Variants in ZNF385D observed in about 807,000 individuals in gnomAD.
The protein encoded by ZNF385D is zinc finger protein 385D, also known as zinc finger protein 659.
In ZNF385D, 15 loss-of-function variants were observed where a neutral mutation model predicts 35.8. That is an observed-to-expected ratio of 0.42 (90% confidence interval 0.28 to 0.64). The LOEUF is 0.64. Ranked by LOEUF, ZNF385D falls within the 30% of genes least tolerant of loss-of-function variation. The pLI, the probability that ZNF385D is intolerant of heterozygous loss-of-function variation, is 0.23. For synonymous variants in ZNF385D, 212 were observed against 186.8 expected (o/e 1.13, Z -1.10); for missense variants, 474 against 494.6 (o/e 0.96, Z 0.39).
At chr3:21,929,345 CTAT>C (rs1700892721) in intron 3 of ZNF385D, among the ~76,000 whole-genome samples, 1 of 151,936 alleles carries the variant, frequency 6.6e-6, no homozygotes, top group South Asian at 2.1e-4. Context: ...TATAAAAAAC[CTAT>C]TGCCAATATT....
At chr3:21,425,406 CAG>C in intron 6 of ZNF385D, 84 bp downstream of exon 6, 2 of 1,374,978 alleles carry the variant, frequency 1.5e-6, no homozygotes, top group Non-Finnish European at 1.9e-6. Flanking sequence ...GACAGAAAGA[CAG>C]AAATAAAAAG....
chr3:22,321,171 T>TG (rs1257569423), intron 2 of ZNF385D, among the ~76,000 whole-genome samples: 2 of 147,972 alleles, frequency 1.4e-5, no homozygotes, highest in Non-Finnish European at 3.0e-5. Flanking sequence ...CTTGTTTTTT[T>TG]TTTTTTTTTT....
chr3:21,943,379 CTGTCT>C (rs1334811259), intron 3 of ZNF385D, among the ~76,000 whole-genome samples: 5 of 151,016 alleles, frequency 3.3e-5, no homozygotes, highest in African/African-American at 4.9e-5. Flanking sequence ...TTGACTTATC[CTGTCT>C]TATCTCTTTT....
intron 2 of ZNF385D, among the ~76,000 whole-genome samples, chr3:22,248,795 A>G (rs1215439966): frequency 6.6e-6 from 1 of 152,112 alleles, no homozygotes; most frequent in East Asian, 1.9e-4. Context: ...CCTCCATTTA[A>G]TGCTGGAAAA....
chr3:21,840,799 C>T (rs1254781230), intron 3 of ZNF385D, among the ~76,000 whole-genome samples: 1 of 148,264 alleles, frequency 6.7e-6, no homozygotes, highest in African/African-American at 2.6e-5. Context: ...TAAATTACCC[C>T]CTTATGTCAA....
At chr3:21,956,362 C>A (rs1163370216) in intron 3 of ZNF385D, among the ~76,000 whole-genome samples, 1 of 151,608 alleles carries the variant, frequency 6.6e-6, no homozygotes, top group African/African-American at 2.4e-5. Context: ...AATTTTCACA[C>A]TTATTATATT....
chr3:22,153,659 T>C (rs538304361), intron 3 of ZNF385D, among the ~76,000 whole-genome samples: 6 of 152,032 alleles, frequency 3.9e-5, no homozygotes, highest in Non-Finnish European at 8.8e-5. Context: ...AGATGGCATT[T>C]CACCATGTTG....
At chr3:22,109,753 G>C (rs904600959) in intron 3 of ZNF385D, among the ~76,000 whole-genome samples, 4 of 152,054 alleles carry the variant, frequency 2.6e-5, no homozygotes, top group Admixed American at 6.6e-5. Context: ...AAAAGCAATG[G>C]CAAAGAAAGC....
chr3:22,312,163 T>G (rs1490748810), intron 2 of ZNF385D, among the ~76,000 whole-genome samples: 1 of 152,190 alleles, frequency 6.6e-6, no homozygotes, highest in Non-Finnish European at 1.5e-5. Flanking sequence ...CTCTTCCCTT[T>G]GTATTATGAT....
chr3:21,543,190 A>C (rs2062240041), intron 3 of ZNF385D, among the ~76,000 whole-genome samples: 2 of 152,114 alleles, frequency 1.3e-5, no homozygotes, highest in South Asian at 4.1e-4. Flanking sequence ...GCGCGCCTGT[A>C]ATCTCAGCTA....
At chr3:21,570,323 T>C (rs2063297233) in intron 2 of ZNF385D, among the ~76,000 whole-genome samples, 2 of 152,164 alleles carry the variant, frequency 1.3e-5, no homozygotes, top group South Asian at 4.1e-4. Context: ...TTCTGTTAAA[T>C]TGATTTGTAA....
intron 3 of ZNF385D, among the ~76,000 whole-genome samples, chr3:21,934,171 A>G (rs1262733151): frequency 6.6e-6 from 1 of 152,204 alleles, no homozygotes; most frequent in Admixed American, 6.5e-5. Context: ...TCTGAGAAGC[A>G]AATATTACCA....
chr3:21,841,494 A>T (rs2125787673), intron 3 of ZNF385D, among the ~76,000 whole-genome samples: 1 of 152,148 alleles, frequency 6.6e-6, no homozygotes, highest in South Asian at 2.1e-4. Context: ...TCTAGGTTAC[A>T]AGTCGTAAGT....
intron 3 of ZNF385D, among the ~76,000 whole-genome samples, chr3:21,785,873 C>T (rs1461809083): frequency 6.6e-6 from 1 of 152,140 alleles, no homozygotes; most frequent in Non-Finnish European, 1.5e-5. Flanking sequence ...TTGCTTTTCC[C>T]CACTGATTAG....
intron 2 of ZNF385D, among the ~76,000 whole-genome samples, chr3:22,236,640 T>C (rs1699200107): frequency 1.3e-5 from 2 of 152,208 alleles, no homozygotes; most frequent in Non-Finnish European, 2.9e-5. Flanking sequence ...TGTACAATCA[T>C]CACCACTATC....
intron 3 of ZNF385D, among the ~76,000 whole-genome samples, chr3:21,538,845 A>C (rs2062103697): frequency 6.6e-6 from 1 of 152,170 alleles, no homozygotes; most frequent in African/African-American, 2.4e-5. Context: ...CAATAAGTAC[A>C]TAAATACATT....
At chr3:22,068,958 T>C (rs1156610342) in intron 3 of ZNF385D, among the ~76,000 whole-genome samples, 1 of 152,184 alleles carries the variant, frequency 6.6e-6, no homozygotes, top group Non-Finnish European at 1.5e-5. Context: ...TGACATTACA[T>C]ATCCAGGTGC....
intron 2 of ZNF385D, among the ~76,000 whole-genome samples, chr3:22,211,207 T>C (rs1034610290): frequency 9.9e-5 from 15 of 152,086 alleles, no homozygotes; most frequent in African/African-American, 3.4e-4. Flanking sequence ...ATATTTATAG[T>C]TATTATTATA....
chr3:22,294,087 TTGA>T (rs1702445152), intron 2 of ZNF385D, among the ~76,000 whole-genome samples: 1 of 151,982 alleles, frequency 6.6e-6, no homozygotes, highest in Non-Finnish European at 1.5e-5. Context: ...AGGAGGAATG[TTGA>T]ATACATAATG....
Sources: allele counts gnomAD v4.1 joint callset (sites outside exome capture counted in the v4.1 genomes callset), GRCh38; gene constraint gnomAD v4.1.1; transcripts MANE v1.5; gene names NCBI Gene and HGNC (gene_info 2026-07-23, HGNC 2026-07-21).